TET2: variants seen among roughly 807,000 people sequenced by gnomAD.
TET2 encodes the protein methylcytosine dioxygenase TET2.
In TET2, 299 loss-of-function variants were observed where a neutral mutation model predicts 142.9. That is an observed-to-expected ratio of 2.09 (90% confidence interval 1.90 to 2.30). The LOEUF is 2.30. TET2 is among the 30% of genes most tolerant of loss of function. The pLI is 0.00. For synonymous variants in TET2, 819 were observed against 849.0 expected, an observed-to-expected ratio of 0.96 and a Z score of 0.61; for missense variants, 2,418 against 2,378.0, an observed-to-expected ratio of 1.02 and a Z score of -0.35.
In TET2 at chr4:105,272,814, AG is replaced by A; in HGVS notation, c.4434del (p.Lys1478AsnfsTer93). 1 of 1,551,692 alleles carries A rather than the reference AG, an allele frequency of 6.4e-7. No individual in the cohort carries two copies. Among genetic ancestry groups the A allele is most frequent in the Non-Finnish European group, 8.7e-7 (1 of 1,146,974 alleles). On this transcript the variant is annotated frameshift_variant, in exon 10 of 11. Transcript: ENST00000380013. LOFTEE classifies it high-confidence loss of function. ...KLEAKKAAAEKLSSLENSSNK... is the reference protein window; with the variant it reads ...KLEAKKAAAEXLSSLENSSNK... ...GAAGCCAAGAAAGCTGCAGCTGAAA[AG>A]CTTTCCTCCCTGGAGAACAGCTCAA...
chr4:105,253,327 T>A (rs1280747645), intron 6 of TET2, among the ~76,000 whole-genome samples: 1 of 152,088 alleles, frequency 6.6e-6, no homozygotes, highest in Non-Finnish European at 1.5e-5. Context: ...ACATGGAACA[T>A]CTCTTTCTTG....
In TET2 at chr4:105,234,858, A is replaced by C. The variant is rs758101775; in HGVS notation, c.916A>C (p.Lys306Gln). Residue 306 changes from lysine (K) to glutamine (Q), a missense_variant, in exon 3 of 11, where the codon AAA becomes CAA. By Grantham distance (53) the Lys-to-Gln change is moderately conservative (BLOSUM62 1). Coordinates refer to ENST00000380013, the MANE Select transcript of TET2 (RefSeq NM_001127208.3). The stretch of plus-strand genomic sequence containing the variant: ...TGCTGATGATGCTGATAATGCCAGT[A>C]AACTAGCTGCAATGCTAAATACCTG... ...CDADDADNASKLAAMLNTCSF... is the reference protein window; with the variant it reads ...CDADDADNASQLAAMLNTCSF... The C allele has an allele frequency of 1.9e-6, 3 of 1,613,964 alleles. No individual in the cohort carries two copies. In the African/African-American group the frequency reaches 4.0e-5, roughly 22 times the overall value.
chr4:105,205,778 T>C (rs745561546), intron 2 of TET2, among the ~76,000 whole-genome samples: 2 of 152,052 alleles, frequency 1.3e-5, no homozygotes, highest in African/African-American at 4.8e-5. Context: ...ATTATAGGCA[T>C]GCACCACCAC....
chr4:105,201,033 A>T (rs1317657061), intron 2 of TET2, among the ~76,000 whole-genome samples: 2 of 152,130 alleles, frequency 1.3e-5, no homozygotes, highest in East Asian at 3.8e-4. Context: ...TTTATATTCA[A>T]GTTTTAAATT....
chr4:105,259,567 C>T (rs2110284348), intron 6 of TET2, 52 bp from the exon 7 acceptor site: 1 of 1,512,370 alleles, frequency 6.6e-7, no homozygotes, highest in Non-Finnish European at 8.9e-7. Context: ...ATCAGCTGCA[C>T]AGCCTATATA....
intron 1 of TET2, among the ~76,000 whole-genome samples, chr4:105,157,109 G>A (rs1723606710): frequency 6.6e-6 from 1 of 151,786 alleles, no homozygotes; most frequent in South Asian, 2.1e-4. Flanking sequence ...TATAACAGAA[G>A]AAAAAACCAT....
intron 1 of TET2, among the ~76,000 whole-genome samples, chr4:105,168,710 A>C (rs933801728): frequency 1.4e-4 from 21 of 151,970 alleles, no homozygotes; most frequent in African/African-American, 4.8e-4. Flanking sequence ...ACTTCACCCT[A>C]TTCGTAGTCT....
intron 1 of TET2, among the ~76,000 whole-genome samples, chr4:105,181,355 A>G (rs1725112015): frequency 6.6e-6 from 1 of 152,186 alleles, no homozygotes; most frequent in Non-Finnish European, 1.5e-5. Flanking sequence ...ATGTATGTCA[A>G]AGCACCACTG....
At position 105,276,696 on chromosome 4, in the gene TET2, A is replaced by G; in HGVS notation, c.*177A>G. On this transcript the variant is annotated 3_prime_UTR_variant, in exon 11 of 11. Coordinates refer to ENST00000380013, the MANE Select transcript of TET2 (RefSeq NM_001127208.3). ...TATCTTACCATAGCACTTAATTTTC[A>G]CTGGCTCCCAAGTGGTCACAGATGG... 1.5e-6 allele frequency: 1 copy of G among 674,322 alleles called. No individual in the cohort carries two copies. Among genetic ancestry groups the G allele is most frequent in the African/African-American group, 1.8e-5 (1 of 55,436 alleles). 41.8% of individuals were successfully genotyped at this position (674,322 alleles called of 1,614,324 possible).
rs1025708134 is a variant in TET2 at position 105,269,638 on chromosome 4, G to A, written c.4073G>A (p.Cys1358Tyr). ...GAATATGAACACAGAGCACCAGAGTGCCGTCTGGGTCTGAAGGAAGGCCGT... is the reference window on the plus strand; with the variant it reads ...GAATATGAACACAGAGCACCAGAGTACCGTCTGGGTCTGAAGGAAGGCCGT... The part of the protein sequence containing the change: ...QIEYEHRAPE[C>Y]RLGLKEGRPF... Residue 1358 changes from cysteine (C) to tyrosine (Y), a missense_variant, in exon 9 of 11, where the codon TGC (cysteine) becomes TAC (tyrosine). Coordinates refer to ENST00000380013, the MANE Select transcript of TET2 (RefSeq NM_001127208.3). The A allele has an allele frequency of 1.3e-6, 2 of 1,551,568 alleles. No homozygotes were observed. Among genetic ancestry groups the A allele is most frequent in the Non-Finnish European group, 1.7e-6 (2 of 1,146,918 alleles).
chr4:105,242,337 T>G, intron 4 of TET2: 1 of 1,077,738 alleles, frequency 9.3e-7, no homozygotes, highest in Non-Finnish European at 1.1e-6. Context: ...AGGGAAGATA[T>G]AGTCTATTTC....
intron 2 of TET2, among the ~76,000 whole-genome samples, chr4:105,231,270 A>G (rs1728490055): frequency 6.6e-6 from 1 of 152,178 alleles, no homozygotes; most frequent in African/African-American, 2.4e-5. Context: ...ATATTCTGCA[A>G]GTACTTTTAG....
chr4:105,195,383 T>C (rs1273765679), intron 2 of TET2, among the ~76,000 whole-genome samples: 1 of 152,168 alleles, frequency 6.6e-6, no homozygotes, highest in African/African-American at 2.4e-5. Context: ...TTTTCTTAGC[T>C]CATTTAATAT....
rs1039008271 is a variant in TET2 at position 105,237,023 on chromosome 4, C to T, written c.3081C>T (p.Thr1027=). The change falls in exon 3 of 11, where the codon ACC becomes ACT. Residue 1027 remains threonine, a synonymous_variant. Transcript: ENST00000380013. ...DNVQQKSIIE[T]MEQHLKQFHA... is the part of the protein sequence containing the mutation. ...TGCAGCAAAAGAGCATCATTGAGACCATGGAGCAGCATCTGAAGCAGTTTC... is the reference window on the plus strand; with the variant it reads ...TGCAGCAAAAGAGCATCATTGAGACTATGGAGCAGCATCTGAAGCAGTTTC... The T allele has an allele frequency of 6.2e-6, 10 of 1,614,096 alleles. No individual in the cohort carries two copies. In the Admixed American group the frequency reaches 1.0e-4, roughly 16 times the overall value.
At chr4:105,245,600 G>C (rs973487874) in intron 6 of TET2, among the ~76,000 whole-genome samples, 5 of 152,250 alleles carry the variant, frequency 3.3e-5, no homozygotes, top group Non-Finnish European at 2.9e-5. Flanking sequence ...AGAGTGCTGG[G>C]ATTACAGGCA....
At chr4:105,177,873 A>G (rs1259732737) in intron 1 of TET2, 1 of 152,336 alleles carries the variant, frequency 6.6e-6, no homozygotes, top group Non-Finnish European at 1.5e-5. Flanking sequence ...ATTTGAGGTC[A>G]GGAGTTCAAG....
At chr4:105,267,558 A>T (rs1421856277) in intron 8 of TET2, among the ~76,000 whole-genome samples, 6 of 150,074 alleles carry the variant, frequency 4.0e-5, no homozygotes, top group Non-Finnish European at 8.9e-5. Context: ...AAAAAAAAGT[A>T]TATAGCTAAT....
chr4:105,208,721 A>G (rs113780944), intron 2 of TET2, among the ~76,000 whole-genome samples: 2,103 of 152,166 alleles, frequency 0.014, 31 homozygotes, highest in Middle Eastern at 0.058. Flanking sequence ...AGTGTTTCCA[A>G]TTAATCTCAA....
chr4:105,180,028 T>C (rs1725024761), intron 1 of TET2, among the ~76,000 whole-genome samples: 1 of 152,224 alleles, frequency 6.6e-6, no homozygotes, highest in South Asian at 2.1e-4. Flanking sequence ...ACTGTTTTTT[T>C]TCTTGGAGGT....
Sources: allele counts gnomAD v4.1 joint callset (sites outside exome capture counted in the v4.1 genomes callset), GRCh38; gene constraint gnomAD v4.1.1; transcripts MANE v1.5; gene names NCBI Gene and HGNC (gene_info 2026-07-23, HGNC 2026-07-21).